The following CNTNAP2 variants were observed in gnomAD, a reference collection of about 807,000 sequenced individuals.
CNTNAP2 encodes contactin associated protein 2, also known as contactin-associated protein-like 2.
Under a neutral mutation model 155.2 loss-of-function variants are expected in CNTNAP2, and 98 were observed. The ratio of observed to expected loss-of-function variants is 0.63; its 90% CI spans 0.54 to 0.75. The LOEUF (loss-of-function observed/expected upper bound fraction) is 0.75. Ranked by LOEUF, CNTNAP2 falls within the 30% of genes least tolerant of loss-of-function variation. CNTNAP2 has a pLI of 0.00. For synonymous variants in CNTNAP2, 651 were observed against 631.2 expected, an observed-to-expected ratio of 1.03 and a Z score of -0.47; for missense variants, 1,727 against 1,688.1, an observed-to-expected ratio of 1.02 and a Z score of -0.40.
chr7:146,706,285 A>G (rs1374472760), intron 1 of CNTNAP2, among the ~76,000 whole-genome samples: 2 of 152,178 alleles, frequency 1.3e-5, no homozygotes, highest in Non-Finnish European at 1.5e-5. Context: ...CAAACTGAAC[A>G]GAAATGGGTC....
intron 1 of CNTNAP2, among the ~76,000 whole-genome samples, chr7:146,430,188 T>G (rs374989719): frequency 1.4e-5 from 2 of 146,174 alleles, no homozygotes; most frequent in African/African-American, 2.6e-5. Context: ...TTTTTTTTTT[T>G]GTTTTATTTT....
At chr7:146,372,892 G>T (rs201367260) in intron 1 of CNTNAP2, among the ~76,000 whole-genome samples, 58 of 152,254 alleles carry the variant, frequency 3.8e-4, no homozygotes, top group East Asian at 1.4e-3. Context: ...TAGAACTTTG[G>T]GTTCTCACCA....
At chr7:146,761,557 A>T (rs939727654) in intron 1 of CNTNAP2, among the ~76,000 whole-genome samples, 1 of 152,142 alleles carries the variant, frequency 6.6e-6, no homozygotes, top group Admixed American at 6.6e-5. Context: ...TCTTTCTTGA[A>T]GATGCTATAC....
At chr7:146,430,123 GT>G (rs1346003908) in intron 1 of CNTNAP2, among the ~76,000 whole-genome samples, 1 of 151,770 alleles carries the variant, frequency 6.6e-6, no homozygotes, top group Non-Finnish European at 1.5e-5. Flanking sequence ...CAGTTTGCCA[GT>G]ATTTTATTGA....
intron 13 of CNTNAP2, among the ~76,000 whole-genome samples, chr7:147,896,204 C>T (rs761282718): frequency 6.6e-6 from 1 of 152,126 alleles, no homozygotes; most frequent in Non-Finnish European, 1.5e-5. Context: ...TCAGATCATC[C>T]CCTTAGGTCC....
At chr7:147,891,984 T>A (rs1006979600) in intron 13 of CNTNAP2, among the ~76,000 whole-genome samples, 13 of 152,156 alleles carry the variant, frequency 8.5e-5, no homozygotes, top group African/African-American at 2.9e-4. Flanking sequence ...TCGATTTTTT[T>A]AAAAGTACTA....
At chr7:146,542,532 T>C (rs1797967721) in intron 1 of CNTNAP2, among the ~76,000 whole-genome samples, 1 of 151,910 alleles carries the variant, frequency 6.6e-6, no homozygotes, top group Admixed American at 6.6e-5. Flanking sequence ...GCTAAGGCCA[T>C]CTTATCAGGT....
intron 15 of CNTNAP2, among the ~76,000 whole-genome samples, chr7:148,040,793 A>G (rs1199845378): frequency 1.3e-5 from 2 of 152,164 alleles, no homozygotes; most frequent in Non-Finnish European, 2.9e-5. Flanking sequence ...GGAGAATATG[A>G]AGCACAGAAA....
chr7:146,647,917 A>G (rs1403661008), intron 1 of CNTNAP2, among the ~76,000 whole-genome samples: 3 of 152,318 alleles, frequency 2.0e-5, no homozygotes, highest in East Asian at 3.9e-4. Context: ...TAGCAGTTCC[A>G]TGAATTTATG....
chr7:148,074,351 A>G (rs1169237310), intron 15 of CNTNAP2, among the ~76,000 whole-genome samples: 2 of 152,216 alleles, frequency 1.3e-5, no homozygotes, highest in East Asian at 3.8e-4. Flanking sequence ...TGACCAGACC[A>G]CTTGAATGAT....
intron 20 of CNTNAP2, among the ~76,000 whole-genome samples, chr7:148,244,616 G>A (rs1314333615): frequency 4.0e-5 from 6 of 150,794 alleles, no homozygotes; most frequent in Non-Finnish European, 5.9e-5. Context: ...AGGCTGGAGT[G>A]TAGTGGCATG....
chr7:147,551,283 C>A (rs1356244872), intron 11 of CNTNAP2, among the ~76,000 whole-genome samples: 1 of 152,188 alleles, frequency 6.6e-6, no homozygotes, highest in Non-Finnish European at 1.5e-5. Flanking sequence ...CAAAAACTTT[C>A]ATTACAGTGC....
chr7:147,365,400 A>C (rs1288659277), intron 9 of CNTNAP2, among the ~76,000 whole-genome samples: 14 of 150,616 alleles, frequency 9.3e-5, no homozygotes, highest in African/African-American at 2.2e-4. Flanking sequence ...AAAAAAAAAA[A>C]AAAAAAAACA....
chr7:148,089,883 A>G (rs1803803557), intron 15 of CNTNAP2, among the ~76,000 whole-genome samples: 1 of 152,008 alleles, frequency 6.6e-6, no homozygotes, highest in Non-Finnish European at 1.5e-5. Context: ...AACCTACCAC[A>G]AAGCTATAGT....
intron 15 of CNTNAP2, among the ~76,000 whole-genome samples, chr7:148,005,967 T>G (rs1289971248): frequency 6.6e-6 from 1 of 152,172 alleles, no homozygotes; most frequent in African/African-American, 2.4e-5. Context: ...CAATAGAGTC[T>G]CACGAGGGTC....
chr7:147,968,357 G>T (rs1801261970), intron 14 of CNTNAP2, among the ~76,000 whole-genome samples: 1 of 152,116 alleles, frequency 6.6e-6, no homozygotes, highest in Non-Finnish European at 1.5e-5. Flanking sequence ...ATTTCACTGG[G>T]GACATAGGCA....
In CNTNAP2 at chr7:146,151,022, A is replaced by G. The variant is rs1694138301; in HGVS notation, c.97+34049A>G. Among the ~76,000 whole-genome samples the G allele has an allele frequency of 4.6e-5, 7 of 152,142 alleles. No individual in the cohort carries two copies. In the South Asian group the frequency reaches 1.4e-3, roughly 31 times the overall value. ...GGCGAAGAGGAAGCAAGGCACCTTC[A>G]TCACAAGGTGGCAGGAAGGAGAAGT... On this transcript the variant is annotated intron_variant, in intron 1 of 23. Coordinates refer to ENST00000361727, the MANE Select transcript of CNTNAP2 (RefSeq NM_014141.6).
intron 3 of CNTNAP2, among the ~76,000 whole-genome samples, chr7:146,959,486 G>T (rs1797510139): frequency 6.6e-6 from 1 of 151,920 alleles, no homozygotes; most frequent in Non-Finnish European, 1.5e-5. Context: ...TCGGGAGGCT[G>T]AGGTGTGTGG....
chr7:147,291,470 C>T lies in CNTNAP2; in HGVS notation c.1349-8671C>T, dbSNP rs138955867. Among the ~76,000 whole-genome samples, 5 of 152,180 alleles carry T rather than the reference C, an allele frequency of 3.3e-5. No homozygotes were observed. In the South Asian group the frequency reaches 6.2e-4, roughly 19 times the overall value. ...ACAATATTTTAAAAATTCATTGATGCTGTTGCTTGTATCACTAGTTCATTC... is the reference window on the plus strand; with the variant it reads ...ACAATATTTTAAAAATTCATTGATGTTGTTGCTTGTATCACTAGTTCATTC... On this transcript the variant is annotated intron_variant, in intron 8 of 23. Transcript: ENST00000361727.
Sources: gnomAD v4.1 joint callset for allele counts (sites outside exome capture counted in the v4.1 genomes callset) on GRCh38, gnomAD v4.1.1 for gene constraint, MANE v1.5 for transcripts, NCBI Gene and HGNC (gene_info 2026-07-23, HGNC 2026-07-21) for gene names.